The following NLGN1 variants were observed in gnomAD, a reference collection of about 807,000 sequenced individuals.
NLGN1 encodes neuroligin-1.
A neutral mutation model predicts 65.5 loss-of-function variants in NLGN1; 12 were observed. The ratio of observed to expected loss-of-function variants is 0.18; its 90% confidence interval spans 0.12 to 0.30. NLGN1 has a LOEUF of 0.30. Among genes scored for constraint, NLGN1 ranks in the 10% least tolerant of loss-of-function variants. NLGN1 has a pLI of 1.00. For synonymous variants in NLGN1, 350 were observed against 359.5 expected, an observed-to-expected ratio of 0.97 and a Z score of 0.30; for missense variants, 750 against 1,007.1, an observed-to-expected ratio of 0.74 and a Z score of 3.46.
intron 3 of NLGN1, among the ~76,000 whole-genome samples, chr3:173,782,381 C>G (rs1781314351): frequency 6.6e-6 from 1 of 152,132 alleles, no homozygotes; most frequent in South Asian, 2.1e-4. Context: ...AAAAACCTCT[C>G]AAGATACTTT....
chr3:173,396,416 C>T (rs1208915425), upstream of NLGN1: 1 of 152,172 alleles, frequency 6.6e-6, no homozygotes, highest in African/African-American at 2.4e-5. Context: ...TTTGGATTTA[C>T]ATGCAGGAAA....
At chr3:174,277,439 A>AATC (rs1444752841) in intron 5 of NLGN1, among the ~76,000 whole-genome samples, 1 of 151,932 alleles carries the variant, frequency 6.6e-6, no homozygotes, top group African/African-American at 2.4e-5. Context: ...TTTCCTTCTC[A>AATC]ATCTTTTTCG....
chr3:173,948,754 A>C (rs1012659049), intron 4 of NLGN1, among the ~76,000 whole-genome samples: 3 of 152,190 alleles, frequency 2.0e-5, no homozygotes, highest in South Asian at 2.1e-4. Flanking sequence ...TGTGCTTATG[A>C]CTGTTAAACA....
chr3:174,187,597 C>T (rs1388022117), intron 4 of NLGN1, among the ~76,000 whole-genome samples: 1 of 151,994 alleles, frequency 6.6e-6, no homozygotes, highest in African/African-American at 2.4e-5. Context: ...AATGCAAAGT[C>T]AAAATCTGAA....
chr3:174,074,963 T>C (rs1250917118), intron 4 of NLGN1, among the ~76,000 whole-genome samples: 2 of 152,182 alleles, frequency 1.3e-5, no homozygotes, highest in Admixed American at 6.6e-5. Context: ...TGGAATAAAC[T>C]TCTAATCCAC....
rs187448 is a variant in NLGN1 at position 173,434,993 on chromosome 3, A to T, written c.-389-17A>T. On this transcript the variant is annotated splice_polypyrimidine_tract_variant and intron_variant, in intron 1 of 6. Transcript: ENST00000457714. ...TTCTCTGCTTTCTCTTTGCTTTCTG[A>T]CACTTCTGAGGAGCAGACCTGTGAA... is the stretch of plus-strand genomic sequence containing the variant. 45,456 of 152,506 alleles carry T rather than the reference A, an allele frequency of 0.3. 7,041 individuals carry two copies. The highest frequency in any genetic ancestry group is 0.4 in the Middle Eastern group (119 of 294). The allele number at this position is 152,506 out of a possible 1,614,324, so 9.4% of individuals were successfully genotyped here. A position where few individuals can be genotyped will look rare whatever the true frequency, so the allele number is the denominator to read the frequency against.
chr3:174,013,052 T>TGCAAAAATGAG (rs1276204740), intron 4 of NLGN1, among the ~76,000 whole-genome samples: 5 of 152,136 alleles, frequency 3.3e-5, no homozygotes, highest in African/African-American at 1.2e-4. Flanking sequence ...CAGCAGCTTT[T>TGCAAAAATGAG]GCAAAAATGA....
At chr3:174,017,401 G>A (rs1726800793) in intron 4 of NLGN1, among the ~76,000 whole-genome samples, 1 of 152,080 alleles carries the variant, frequency 6.6e-6, no homozygotes, top group Non-Finnish European at 1.5e-5. Context: ...TTCTTTGACA[G>A]CCTATCAGTG....
chr3:173,412,787 A>G (rs1343899446), intron 1 of NLGN1, among the ~76,000 whole-genome samples: 1 of 152,326 alleles, frequency 6.6e-6, no homozygotes, highest in African/African-American at 2.4e-5. Flanking sequence ...AGCATCAGGC[A>G]TATCCAATAA....
At chr3:174,150,515 C>T (rs1724121472) in intron 4 of NLGN1, among the ~76,000 whole-genome samples, 1 of 152,164 alleles carries the variant, frequency 6.6e-6, no homozygotes. Flanking sequence ...GTAAAATTGC[C>T]CCTATTTGAG....
intron 3 of NLGN1, among the ~76,000 whole-genome samples, chr3:173,751,289 A>G (rs1776266008): frequency 6.6e-6 from 1 of 152,050 alleles, no homozygotes. Flanking sequence ...CTTCATTTCC[A>G]CCTGTTCCTT....
intron 4 of NLGN1, among the ~76,000 whole-genome samples, chr3:173,837,326 A>G (rs1285458623): frequency 2.0e-5 from 3 of 152,166 alleles, no homozygotes; most frequent in Admixed American, 1.3e-4. Context: ...CTTTAGAGTA[A>G]CATTTTCATT....
rs187948794 is a variant in NLGN1, at chr3:174,077,156, C to A, written c.647-198159C>A. ...ATACACTGATGGACACATCGAGTGA[C>A]AAATTACAGATAAAAATATATTTCT... is the stretch of plus-strand genomic sequence containing the variant. On this transcript the variant is annotated intron_variant, in intron 4 of 6. Coordinates refer to ENST00000457714, the Ensembl canonical transcript of NLGN1. 2.6e-3 allele frequency among the ~76,000 whole-genome samples: 397 copies of A among 150,728 alleles called. 1 individual carries two copies. Among genetic ancestry groups the A allele is most frequent in the African/African-American group, 7.2e-3 (297 of 41,020 alleles).
intron 4 of NLGN1, among the ~76,000 whole-genome samples, chr3:173,828,303 A>G (rs1721775539): frequency 6.6e-6 from 1 of 152,046 alleles, no homozygotes; most frequent in African/African-American, 2.4e-5. Context: ...ATGTTTTTTC[A>G]TGACTTAAAC....
intron 3 of NLGN1, among the ~76,000 whole-genome samples, chr3:173,712,997 G>A (rs1273952992): frequency 3.3e-5 from 5 of 152,040 alleles, no homozygotes; most frequent in Admixed American, 6.6e-5. Context: ...TATACTTAAA[G>A]ACAAAGGGAC....
In NLGN1 at chr3:173,713,729, T is replaced by A. The variant is rs180890080; in HGVS notation, c.494-93951T>A. On this transcript the variant is annotated intron_variant, in intron 3 of 6. Coordinates refer to ENST00000457714, the Ensembl canonical transcript of NLGN1. ...TGTGGGAATTAAGTAGGCTAAGATA[T>A]GCAAAATGTTTAGAATACAGCCTTA... Among the ~76,000 whole-genome samples the A allele has an allele frequency of 7.2e-4, 109 of 152,260 alleles. 1 individual carries two copies. The highest frequency in any genetic ancestry group is 1.1e-3 in the Non-Finnish European group (73 of 67,980).
At chr3:174,281,376 A>G in exon 7 of NLGN1, 1 of 900,690 alleles carries the variant, frequency 1.1e-6, no homozygotes, top group Admixed American at 2.5e-5. Flanking sequence ...TTGGCTTTCA[A>G]CCTACAAGAC....
chr3:174,066,570 G>GTT (rs1738658438), intron 4 of NLGN1, among the ~76,000 whole-genome samples: 1 of 124,962 alleles, frequency 8.0e-6, no homozygotes, highest in Non-Finnish European at 1.8e-5. Context: ...CTCTCTGTGT[G>GTT]TGTGTGTGTG....
At chr3:173,467,333 T>C (rs1313461375) in intron 2 of NLGN1, among the ~76,000 whole-genome samples, 4 of 152,106 alleles carry the variant, frequency 2.6e-5, no homozygotes, top group Admixed American at 2.6e-4. Flanking sequence ...TTTTTCATAA[T>C]TATAATGTGC....
Sources: allele counts gnomAD v4.1 joint callset (sites outside exome capture counted in the v4.1 genomes callset), GRCh38; gene constraint gnomAD v4.1.1; transcripts MANE v1.5; gene names NCBI Gene and HGNC (gene_info 2026-07-23, HGNC 2026-07-21).